The following GPC6 variants were observed in gnomAD, a reference collection of about 807,000 sequenced individuals.
The protein encoded by GPC6 is glypican 6, also known as glypican-6.
Under a neutral mutation model 55.2 loss-of-function variants are expected in GPC6, and 14 were observed. The ratio of observed to expected loss-of-function variants is 0.25; its 90% CI spans 0.17 to 0.40. The LOEUF is 0.40. Among genes scored for constraint, GPC6 ranks in the 10% least tolerant of loss-of-function variants. GPC6 has a pLI of 1.00. For synonymous variants in GPC6, 278 were observed against 259.6 expected, an observed-to-expected ratio of 1.07 and a Z score of -0.68; for missense variants, 641 against 708.5, an observed-to-expected ratio of 0.90 and a Z score of 1.08.
chr13:93,964,889 T>TA (rs1879954224), intron 3 of GPC6, among the ~76,000 whole-genome samples: 1 of 152,028 alleles, frequency 6.6e-6, no homozygotes, highest in South Asian at 2.1e-4. Flanking sequence ...TACATGGGAA[T>TA]AAAAAATGTT....
At chr13:94,055,767 A>C (rs1357363364) in intron 4 of GPC6, among the ~76,000 whole-genome samples, 2 of 152,168 alleles carry the variant, frequency 1.3e-5, no homozygotes, top group Non-Finnish European at 2.9e-5. Flanking sequence ...CCCTTTGGGA[A>C]GTCTTTGAAA....
At chr13:93,522,025 T>C (rs867772665) in intron 1 of GPC6, among the ~76,000 whole-genome samples, 11 of 152,070 alleles carry the variant, frequency 7.2e-5, no homozygotes, top group South Asian at 4.1e-4. Context: ...CTTTCTATTG[T>C]GCTGTTTCAT....
At chr13:94,174,427 T>C (rs957391734) in intron 4 of GPC6, among the ~76,000 whole-genome samples, 2 of 152,096 alleles carry the variant, frequency 1.3e-5, no homozygotes, top group Non-Finnish European at 2.9e-5. Context: ...GATAAATTAA[T>C]GTAGGCCCAA....
chr13:93,634,610 T>C (rs1879618041), intron 2 of GPC6, among the ~76,000 whole-genome samples: 5 of 152,186 alleles, frequency 3.3e-5, no homozygotes, highest in African/African-American at 1.2e-4. Context: ...TTTGTAATTA[T>C]CTTGATTTTT....
At chr13:94,338,779 C>T (rs764358596) in intron 6 of GPC6, among the ~76,000 whole-genome samples, 39 of 152,144 alleles carry the variant, frequency 2.6e-4, no homozygotes, top group Non-Finnish European at 4.4e-4. Context: ...TAAAATGCCT[C>T]GAGGAGAGCC....
At chr13:93,351,974 A>G (rs1381629492) in intron 1 of GPC6, among the ~76,000 whole-genome samples, 1 of 152,138 alleles carries the variant, frequency 6.6e-6, no homozygotes, top group Non-Finnish European at 1.5e-5. Flanking sequence ...GTATATAACC[A>G]CTTGTTCTTG....
intron 1 of GPC6, among the ~76,000 whole-genome samples, chr13:93,515,302 C>G (rs1477237807): frequency 2.6e-5 from 4 of 152,150 alleles, no homozygotes; most frequent in African/African-American, 9.7e-5. Context: ...GCCACCCAGC[C>G]TATGATCTTC....
At chr13:94,178,122 G>A (rs868420159) in intron 4 of GPC6, among the ~76,000 whole-genome samples, 2 of 149,450 alleles carry the variant, frequency 1.3e-5, no homozygotes, top group Non-Finnish European at 3.0e-5. Context: ...GGGTTCAAGC[G>A]ATTCTCCTGC....
chr13:93,743,381 G>A (rs932497990), intron 2 of GPC6, among the ~76,000 whole-genome samples: 2 of 151,966 alleles, frequency 1.3e-5, no homozygotes, highest in Non-Finnish European at 2.9e-5. Flanking sequence ...GATATAATGT[G>A]GCCAATACTA....
chr13:94,134,207 A>C (rs1226751806), intron 4 of GPC6, among the ~76,000 whole-genome samples: 1 of 152,212 alleles, frequency 6.6e-6, no homozygotes, highest in Non-Finnish European at 1.5e-5. Flanking sequence ...ATTTAGTTAA[A>C]GGCTGTGAGC....
At chr13:93,463,743 C>T (rs897819263) in intron 1 of GPC6, among the ~76,000 whole-genome samples, 11 of 130,822 alleles carry the variant, frequency 8.4e-5, no homozygotes, top group Non-Finnish European at 1.5e-4. Flanking sequence ...TAAATGGCTC[C>T]ACTTTTTTTT....
intron 3 of GPC6, among the ~76,000 whole-genome samples, chr13:94,021,262 A>G (rs58224000): frequency 0.015 from 2,115 of 143,466 alleles, 28 homozygotes; most frequent in African/African-American, 0.029. Flanking sequence ...CATTGTGTGT[A>G]TATATATATA....
chr13:93,477,576 A>C (rs554955764), intron 1 of GPC6, among the ~76,000 whole-genome samples: 1 of 152,188 alleles, frequency 6.6e-6, no homozygotes, highest in Admixed American at 6.5e-5. Flanking sequence ...AGTTAATTTA[A>C]CTATCATTAG....
intron 3 of GPC6, among the ~76,000 whole-genome samples, chr13:93,995,819 T>A (rs1366231506): frequency 6.6e-6 from 1 of 152,124 alleles, no homozygotes; most frequent in Non-Finnish European, 1.5e-5. Flanking sequence ...GAAATGAATG[T>A]TTTTCTTGGG....
At chr13:93,710,697 C>A (rs1040292979) in intron 2 of GPC6, among the ~76,000 whole-genome samples, 21 of 147,820 alleles carry the variant, frequency 1.4e-4, no homozygotes, top group African/African-American at 5.1e-4. Context: ...GTCCCCCCCC[C>A]CAAAAAAAAT....
At chr13:94,369,564 C>G (rs528669000) in intron 6 of GPC6, among the ~76,000 whole-genome samples, 5 of 152,274 alleles carry the variant, frequency 3.3e-5, no homozygotes, top group African/African-American at 1.2e-4. Context: ...ATTGCAAAGA[C>G]CCTTTAAGAT....
At chr13:93,879,351 G>T (rs1454177784) in intron 3 of GPC6, among the ~76,000 whole-genome samples, 3 of 152,012 alleles carry the variant, frequency 2.0e-5, no homozygotes, top group Admixed American at 1.3e-4. Flanking sequence ...GCATGGTACT[G>T]GTACCAAAAC....
intron 1 of GPC6, among the ~76,000 whole-genome samples, chr13:93,512,233 T>C (rs2139386567): frequency 6.6e-6 from 1 of 152,210 alleles, no homozygotes; most frequent in East Asian, 1.9e-4. Flanking sequence ...GTAGTGAAAG[T>C]GAGCATCCTT....
At chr13:93,281,175 C>T (rs1877937714) in intron 1 of GPC6, among the ~76,000 whole-genome samples, 1 of 152,196 alleles carries the variant, frequency 6.6e-6, no homozygotes, top group Non-Finnish European at 1.5e-5. Context: ...GCACTTACTA[C>T]TTGGCAGAAG....
Sources: allele counts gnomAD v4.1 joint callset (sites outside exome capture counted in the v4.1 genomes callset), GRCh38; gene constraint gnomAD v4.1.1; transcripts MANE v1.5; gene names NCBI Gene and HGNC (gene_info 2026-07-23, HGNC 2026-07-21).